NAXD: variants seen among roughly 807,000 people sequenced by gnomAD.
The protein encoded by NAXD is ATP-dependent (S)-NAD(P)H-hydrate dehydratase.
A neutral mutation model predicts 35.8 loss-of-function variants in NAXD; 22 were observed. That is an observed-to-expected ratio of 0.62 (90% CI 0.44 to 0.88). The LOEUF (loss-of-function observed/expected upper bound fraction) is 0.88. Ranked by LOEUF, NAXD falls within the 40% of genes least tolerant of loss-of-function variation. The probability of loss-of-function intolerance (pLI) is 0.00; values close to 1 mark genes in which losing one functional copy is unlikely to be tolerated. For synonymous variants in NAXD, 189 were observed against 177.6 expected (o/e 1.06, Z -0.51); for missense variants, 428 against 437.7 (o/e 0.98, Z 0.20).
chr13:110,621,902 C>T (rs1886280415), intron 1 of NAXD, among the ~76,000 whole-genome samples: 1 of 151,130 alleles, frequency 6.6e-6, no homozygotes, highest in Non-Finnish European at 1.5e-5. Flanking sequence ...TGGTAGTAGA[C>T]ACCTATAATC....
chr13:110,634,697 A>G lies in NAXD; in HGVS notation c.518A>G (p.Gln173Arg), dbSNP rs1165370196. The G allele has an allele frequency of 1.2e-6, 2 of 1,614,020 alleles. No homozygotes were observed. The highest frequency in any genetic ancestry group is 1.7e-5 in the Admixed American group (1 of 60,004). Residue 173 changes from glutamine to arginine, a missense_variant, in exon 7 of 10, where the codon CAG (glutamine) becomes CGG (arginine). Around this residue, in one of 3 missense-constraint regions of NAXD, gnomAD observed 209 missense variants for 214.6 expected, o/e 0.97. Transcript: ENST00000680254. Reference sequence around the variant, plus strand: ...GATGGCCTGTGGCTGGTCGCTCAGCAGCCGGCCCTCATCCATGGCTACCGG... The same window carrying G: ...GATGGCCTGTGGCTGGTCGCTCAGCGGCCGGCCCTCATCCATGGCTACCGG... ...DADGLWLVAQ[Q>R]PALIHGYRKA...
chr13:110,620,920 G>A (rs562255978), intron 1 of NAXD, among the ~76,000 whole-genome samples: 2 of 152,300 alleles, frequency 1.3e-5, no homozygotes, highest in African/African-American at 4.8e-5. Flanking sequence ...GAGAATGTAT[G>A]CTTTATTCAT....
Position 110,639,464 on chromosome 13 carries a change from G to C in NAXD, c.*936G>C, listed in dbSNP as rs766995737. On this transcript the variant is annotated 3_prime_UTR_variant, in exon 10 of 10. Transcript: ENST00000680254. Reference sequence around the variant, plus strand: ...CGTGGTCACGTATGCTTAGGAAGCAGCACAGCCGTGTCCTTAGGGATGTTC... The same window carrying C: ...CGTGGTCACGTATGCTTAGGAAGCACCACAGCCGTGTCCTTAGGGATGTTC... The C allele has an allele frequency of 1.3e-5, 2 of 152,360 alleles. No homozygotes were observed. The highest frequency in any genetic ancestry group is 6.5e-5 in the Admixed American group (1 of 15,290). The allele number at this position is 152,360 out of a possible 1,614,324, so 9.4% of individuals were successfully genotyped here.
Position 110,637,199 on chromosome 13 carries a change from G to T in NAXD, c.789G>T (p.Leu263=). The T allele has an allele frequency of 6.2e-7, 1 of 1,614,038 alleles. No homozygotes were observed. Among genetic ancestry groups the T allele is most frequent in the Non-Finnish European group, 8.5e-7 (1 of 1,179,966 alleles). ...GGQGDLLSGS[L]GVLVHWALLA... The stretch of plus-strand genomic sequence containing the variant: ...AAGGGGACCTCCTGTCGGGCTCCCT[G>T]GGCGTCCTGGTACACTGGGCGCTCC... The change falls in exon 9 of 10, where the codon CTG becomes CTT. Residue 263 remains leucine, a synonymous_variant. Coordinates refer to ENST00000680254, the MANE Select transcript of NAXD (RefSeq NM_001242882.2).
chr13:110,638,231 T>A lies in NAXD; in HGVS notation c.840-147T>A. 6.5e-7 allele frequency: 1 copy of A among 1,541,650 alleles called. No homozygotes were observed. The highest frequency in any genetic ancestry group is 8.7e-7 in the Non-Finnish European group (1 of 1,145,246). Reference sequence around the variant, plus strand: ...GTGGTTTTCGCTGTGATAAACCTGCTTTCTCCTCAGGGGCATATCAGACTT... The same window carrying A: ...GTGGTTTTCGCTGTGATAAACCTGCATTCTCCTCAGGGGCATATCAGACTT... On this transcript the variant is annotated intron_variant, in intron 9 of 9. Transcript: ENST00000680254. The surrounding 1 kb of genome is among the most constrained non-coding windows in gnomAD (Gnocchi z 5.4).
intron 1 of NAXD, among the ~76,000 whole-genome samples, chr13:110,617,336 C>T (rs1316133175): frequency 6.6e-6 from 1 of 152,220 alleles, no homozygotes; most frequent in Non-Finnish European, 1.5e-5. Context: ...CAAATTTAAC[C>T]TGTTCTTCCA....
At chr13:110,622,855 C>T (rs1019803799) in intron 2 of NAXD, among the ~76,000 whole-genome samples, 1 of 152,142 alleles carries the variant, frequency 6.6e-6, no homozygotes. Flanking sequence ...CTGCCTCTGA[C>T]GGAAAGCCTG....
At chr13:110,634,887 G>A in intron 7 of NAXD, 111 bp downstream of exon 7, 1 of 766,384 alleles carries the variant, frequency 1.3e-6, no homozygotes, top group Non-Finnish European at 2.2e-6. Flanking sequence ...ACACCTGCAA[G>A]TAATCGCTGT....
intron 1 of NAXD, among the ~76,000 whole-genome samples, chr13:110,617,616 T>A (rs1024321210): frequency 1.3e-5 from 2 of 152,256 alleles, no homozygotes; most frequent in Non-Finnish European, 1.5e-5. Context: ...GGATTTTACT[T>A]TGTGTTAATA....
chr13:110,636,466 AC>A (rs1273536989), intron 8 of NAXD, among the ~76,000 whole-genome samples: 1 of 151,994 alleles, frequency 6.6e-6, no homozygotes, highest in East Asian at 1.9e-4. Context: ...ACAGCCTCGC[AC>A]ACGCCCTCGC....
intron 2 of NAXD, among the ~76,000 whole-genome samples, chr13:110,623,948 G>A (rs1383660238): frequency 4.7e-5 from 7 of 150,114 alleles, no homozygotes; most frequent in Non-Finnish European, 1.0e-4. Flanking sequence ...GTTGCAATGA[G>A]CCAAGATCGT....
At position 110,635,562 on chromosome 13, in the gene NAXD, G is replaced by C. The variant is rs144532361; in HGVS notation, c.692G>C (p.Arg231Pro). ...GNVTVVQKGE[R>P]DILSNGQQVL... ...GTGACGGTGGTCCAGAAAGGAGAGC[G>C]CGACATCCTCTCCAACGGCCAGCAG... Residue 231 changes from arginine (R) to proline (P), a missense_variant, in exon 8 of 10, where the codon CGC becomes CCC. Physicochemically the swap from Arg to Pro is moderately radical, Grantham distance 103. Coordinates refer to ENST00000680254, the MANE Select transcript of NAXD (RefSeq NM_001242882.2). 6.2e-7 allele frequency: 1 copy of C among 1,613,938 alleles called. No individual in the cohort carries two copies. Among genetic ancestry groups the C allele is most frequent in the African/African-American group, 1.3e-5 (1 of 74,928 alleles).
intron 1 of NAXD, among the ~76,000 whole-genome samples, chr13:110,617,105 C>T (rs547556868): frequency 6.6e-6 from 1 of 152,258 alleles, no homozygotes; most frequent in South Asian, 2.1e-4. Context: ...ACTGCCTAAA[C>T]TTTTACGAAA....
At chr13:110,616,100 C>T (rs1439753756) in intron 1 of NAXD, 3 of 322,450 alleles carry the variant, frequency 9.3e-6, no homozygotes, top group East Asian at 4.9e-5. Flanking sequence ...TGGTCGGATC[C>T]GTCTGCTCTG....
intron 5 of NAXD, among the ~76,000 whole-genome samples, chr13:110,630,936 C>G (rs990115063): frequency 6.6e-6 from 1 of 152,192 alleles, no homozygotes; most frequent in Non-Finnish European, 1.5e-5. Flanking sequence ...GTCGAAAGCC[C>G]GAGTCCTCCA....
At chr13:110,634,971 G>A (rs1392133276) in intron 7 of NAXD, among the ~76,000 whole-genome samples, 195 bp downstream of exon 7, 1 of 152,226 alleles carries the variant, frequency 6.6e-6, no homozygotes, top group African/African-American at 2.4e-5. Flanking sequence ...GTGGGCTTGG[G>A]ACAGGCAGGG....
In NAXD at chr13:110,628,454, A is replaced by C. The variant is rs1397685049; in HGVS notation, c.441+907A>C. On this transcript the variant is annotated intron_variant, in intron 5 of 9. Coordinates refer to ENST00000680254, the MANE Select transcript of NAXD (RefSeq NM_001242882.2). This position sits in a 1 kb window ranked among gnomAD's most constrained non-coding sequence, Gnocchi z 4.1. ...GGTGCCTGGCCATTTTGTGTTCCCC[A>C]GATCAGCAGTCACCCTGAAAATGCC... Among the ~76,000 whole-genome samples, 1 of 152,198 alleles carries C rather than the reference A, an allele frequency of 6.6e-6. No individual in the cohort carries two copies. Among genetic ancestry groups the C allele is most frequent in the Non-Finnish European group, 1.5e-5 (1 of 68,014 alleles).
chr13:110,636,699 G>A (rs537264895), intron 8 of NAXD, among the ~76,000 whole-genome samples: 28 of 152,336 alleles, frequency 1.8e-4, no homozygotes, highest in South Asian at 1.2e-3. Flanking sequence ...GGCCTCGCTC[G>A]GTGTTGCCCT....
rs1459738320 is a variant in NAXD, at chr13:110,628,783, G to A, written c.441+1236G>A. 1.3e-5 allele frequency among the ~76,000 whole-genome samples: 2 copies of A among 152,164 alleles called. No homozygotes were observed. Among genetic ancestry groups the A allele is most frequent in the South Asian group, 2.1e-4 (1 of 4,834 alleles). ...ATGGGGAGTCCCATCTGCAGGCTGC[G>A]GGTCTGCGGTGCACGGCTGCTGCTT... On this transcript the variant is annotated intron_variant, in intron 5 of 9. Transcript: ENST00000680254. The surrounding 1 kb of genome is among the most constrained non-coding windows in gnomAD (Gnocchi z 4.1).
Sources: gnomAD v4.1 joint callset for allele counts (sites outside exome capture counted in the v4.1 genomes callset) on GRCh38, gnomAD v4.1.1 for gene constraint, gnomAD v4.1.1 regional missense constraint, Gnocchi (gnomAD v3.1) non-coding constraint, MANE v1.5 for transcripts, NCBI Gene and HGNC (gene_info 2026-07-23, HGNC 2026-07-21) for gene names.